Variants in HHAT observed in about 807,000 individuals in gnomAD.
The protein encoded by HHAT is protein-cysteine N-palmitoyltransferase HHAT.
HHAT carries 47 observed loss-of-function variants against 70.8 expected under a neutral mutation model. That is an observed-to-expected ratio of 0.66 (90% confidence interval 0.53 to 0.85). The LOEUF is 0.85. Ranked by LOEUF, HHAT falls within the 40% of genes least tolerant of loss-of-function variation. HHAT has a pLI of 0.00. For synonymous variants in HHAT, 228 were observed against 247.6 expected (o/e 0.92, Z 0.74); for missense variants, 609 against 604.8 (o/e 1.01, Z -0.07).
At chr1:210,389,617 A>G (rs1354568547) in intron 4 of HHAT, among the ~76,000 whole-genome samples, 1 of 152,168 alleles carries the variant, frequency 6.6e-6, no homozygotes. Flanking sequence ...CTGCTCTGCC[A>G]CGGTAAGATA....
At chr1:210,449,438 A>C (rs920550368) in intron 7 of HHAT, among the ~76,000 whole-genome samples, 8 of 152,094 alleles carry the variant, frequency 5.3e-5, no homozygotes, top group Non-Finnish European at 1.2e-4. Context: ...AAGTTGCATC[A>C]CCATTCCCGT....
chr1:210,356,413 A>T lies in HHAT; in HGVS notation c.92-6439A>T, dbSNP rs536289650. ...TTTTTCATTTTTTTAATATTCAGTG[A>T]TATATCTGTAGTTAATGTTTCTTTA... On this transcript the variant is annotated intron_variant, in intron 2 of 11. Transcript: ENST00000261458. Among the ~76,000 whole-genome samples the T allele has an allele frequency of 5.9e-5, 9 of 151,558 alleles. No individual in the cohort carries two copies. The South Asian group carries it at 1.9e-3, about 32-fold the overall frequency.
intron 6 of HHAT, among the ~76,000 whole-genome samples, chr1:210,415,203 A>G (rs1030944810): frequency 6.6e-6 from 1 of 152,164 alleles, no homozygotes; most frequent in Non-Finnish European, 1.5e-5. Flanking sequence ...CTAGTGTTGG[A>G]CATTTGGGTT....
chr1:210,525,056 C>T (rs1046960142), intron 9 of HHAT, among the ~76,000 whole-genome samples: 2 of 152,074 alleles, frequency 1.3e-5, no homozygotes, highest in East Asian at 3.9e-4. Context: ...CCCAGGGTGA[C>T]AAGTACCCAT....
At chr1:210,426,164 G>A (rs1023812109) in intron 7 of HHAT, among the ~76,000 whole-genome samples, 1 of 152,144 alleles carries the variant, frequency 6.6e-6, no homozygotes, top group Non-Finnish European at 1.5e-5. Context: ...TGGCATATAG[G>A]TATGCTAGTG....
intron 7 of HHAT, among the ~76,000 whole-genome samples, chr1:210,438,633 T>C (rs1257027502): frequency 6.6e-6 from 1 of 151,838 alleles, no homozygotes. Flanking sequence ...TTTGGCTGTT[T>C]TAGGGTCTTT....
At chr1:210,493,597 A>T (rs1220064103) in intron 8 of HHAT, among the ~76,000 whole-genome samples, 1 of 152,212 alleles carries the variant, frequency 6.6e-6, no homozygotes, top group Non-Finnish European at 1.5e-5. Context: ...TAGTTGACAC[A>T]TAAAATTAAT....
At chr1:210,631,190 C>A (rs1288506981) in intron 11 of HHAT, 1 of 442,676 alleles carries the variant, frequency 2.3e-6, no homozygotes, top group South Asian at 1.6e-5. Context: ...AGATTATAAG[C>A]CCTTTGACTC....
At chr1:210,383,062 G>T (rs1430137370) in intron 3 of HHAT, among the ~76,000 whole-genome samples, 1 of 152,178 alleles carries the variant, frequency 6.6e-6, no homozygotes, top group Non-Finnish European at 1.5e-5. Context: ...GCTTCAGGCC[G>T]GGCACGGTGG....
chr1:210,454,120 C>T (rs552189640), intron 7 of HHAT, among the ~76,000 whole-genome samples: 14 of 152,288 alleles, frequency 9.2e-5, no homozygotes, highest in Non-Finnish European at 1.5e-4. Flanking sequence ...ATTTACCTCC[C>T]GCTGGGTTCC....
intron 10 of HHAT, among the ~76,000 whole-genome samples, chr1:210,619,898 A>T (rs919975668): frequency 1.1e-4 from 16 of 152,236 alleles, no homozygotes; most frequent in African/African-American, 3.6e-4. Flanking sequence ...TTATTGCCTT[A>T]GCTGATGAAC....
intron 2 of HHAT, among the ~76,000 whole-genome samples, chr1:210,352,310 G>T (rs1468148495): frequency 6.6e-6 from 1 of 152,070 alleles, no homozygotes; most frequent in African/African-American, 2.4e-5. Context: ...TTCCTCAAAT[G>T]CTTTTGCCAG....
At chr1:210,653,722 A>G (rs189579594) in intron 11 of HHAT, among the ~76,000 whole-genome samples, 1 of 152,248 alleles carries the variant, frequency 6.6e-6, no homozygotes, top group East Asian at 1.9e-4. Context: ...ATTTTATATT[A>G]TGCATTATCT....
chr1:210,626,833 T>C (rs1669929335), intron 11 of HHAT, among the ~76,000 whole-genome samples: 1 of 152,134 alleles, frequency 6.6e-6, no homozygotes, highest in Non-Finnish European at 1.5e-5. Context: ...AAATCTGAAT[T>C]CCGAAACTCA....
chr1:210,363,227 G>A (rs1014826038), intron 3 of HHAT, among the ~76,000 whole-genome samples: 1 of 152,102 alleles, frequency 6.6e-6, no homozygotes, highest in African/African-American at 2.4e-5. Context: ...AATCACATGC[G>A]GCCCCTGGAC....
Position 210,400,536 on chromosome 1 carries a change from G to A in HHAT, c.342G>A (p.Val114=). The change falls in exon 5 of 12, where the codon GTG becomes GTA. Residue 114 remains valine (V), a synonymous_variant. Transcript: ENST00000261458. The part of the protein sequence containing the change: ...ACWCVLGTPG[V]AMVLLHTTIS... The stretch of plus-strand genomic sequence containing the variant: ...GGTGTGTGCTGGGGACCCCTGGTGT[G>A]GCTATGGTTTTGCTCCATACCACCA... The A allele has an allele frequency of 6.2e-7, 1 of 1,614,052 alleles. No homozygotes were observed. Among genetic ancestry groups the A allele is most frequent in the Non-Finnish European group, 8.5e-7 (1 of 1,180,008 alleles).
chr1:210,548,226 C>T (rs991453342), intron 9 of HHAT, among the ~76,000 whole-genome samples: 3 of 152,146 alleles, frequency 2.0e-5, no homozygotes, highest in African/African-American at 4.8e-5. Flanking sequence ...AAGGGCCAGA[C>T]CCAATTACCA....
At chr1:210,485,053 C>A (rs1453221798) in intron 8 of HHAT, among the ~76,000 whole-genome samples, 1 of 152,178 alleles carries the variant, frequency 6.6e-6, no homozygotes, top group African/African-American at 2.4e-5. Context: ...CCTCACTGAG[C>A]CCAAACTTGA....
chr1:210,368,229 G>A (rs977036504), intron 3 of HHAT, among the ~76,000 whole-genome samples: 1 of 152,152 alleles, frequency 6.6e-6, no homozygotes, highest in East Asian at 1.9e-4. Flanking sequence ...ATAATGGAAA[G>A]AGCACAGGTT....
Sources: allele counts gnomAD v4.1 joint callset (sites outside exome capture counted in the v4.1 genomes callset), GRCh38; gene constraint gnomAD v4.1.1; transcripts MANE v1.5; gene names NCBI Gene and HGNC (gene_info 2026-07-23, HGNC 2026-07-21).